The following CLNK variants were observed in gnomAD, a reference collection of about 807,000 sequenced individuals.
CLNK encodes the protein cytokine dependent hematopoietic cell linker.
In CLNK, 74 loss-of-function variants were observed where a neutral mutation model predicts 68.6. The observed-to-expected ratio is 1.08, with a 90% confidence interval of 0.89 to 1.31. The LOEUF is 1.31. CLNK is among the 50% of genes most tolerant of loss of function. The pLI is 0.00. For synonymous variants in CLNK, 198 were observed against 172.2 expected, an observed-to-expected ratio of 1.15 and a Z score of -1.17; for missense variants, 553 against 515.3, an observed-to-expected ratio of 1.07 and a Z score of -0.71.
At chr4:10,699,291 TACAC>T in the CLNK span, among the ~76,000 whole-genome samples, 1 of 57,936 alleles carries the variant, frequency 1.7e-5, no homozygotes, top group Non-Finnish European at 3.2e-5. Flanking sequence ...CATACGTGTA[TACAC>T]ACACACACCA....
intron 2 of CLNK, among the ~76,000 whole-genome samples, chr4:10,622,914 G>A (rs565448839): frequency 8.5e-5 from 13 of 152,136 alleles, no homozygotes; most frequent in Admixed American, 3.9e-4. Context: ...AGGGAGCTCT[G>A]GCCCCTTCAT....
At chr4:10,596,519 G>C (rs968735943) in intron 3 of CLNK, among the ~76,000 whole-genome samples, 2 of 152,102 alleles carry the variant, frequency 1.3e-5, no homozygotes, top group Non-Finnish European at 2.9e-5. Context: ...ATTTTTACAG[G>C]AGTAAATACA....
chr4:10,706,861 C>T, the CLNK span, among the ~76,000 whole-genome samples: 6 of 152,232 alleles, frequency 3.9e-5, no homozygotes, highest in African/African-American at 1.4e-4. Context: ...CAAAAGGACC[C>T]CCAGAAACTT....
At chr4:10,584,018 C>T (rs1484453644) in intron 4 of CLNK, among the ~76,000 whole-genome samples, 4 of 152,154 alleles carry the variant, frequency 2.6e-5, no homozygotes, top group Non-Finnish European at 5.9e-5. Flanking sequence ...GCATTTGATA[C>T]TAAAGACCCC....
intron 8 of CLNK, among the ~76,000 whole-genome samples, chr4:10,546,833 G>A (rs1719252200): frequency 6.6e-6 from 1 of 152,090 alleles, no homozygotes; most frequent in Admixed American, 6.6e-5. Flanking sequence ...TTTCAGTTGT[G>A]GAGGCTAAGA....
intron 2 of CLNK, among the ~76,000 whole-genome samples, chr4:10,644,830 C>T (rs375357494): frequency 1.3e-5 from 2 of 152,176 alleles, no homozygotes; most frequent in South Asian, 4.1e-4. Flanking sequence ...AATTCCTGCC[C>T]TGCACTCTGA....
At chr4:10,614,915 T>C (rs12511463) in intron 2 of CLNK, among the ~76,000 whole-genome samples, 109,993 of 152,036 alleles carry the variant, frequency 0.72, 40,109 homozygotes, top group East Asian at 0.77. Flanking sequence ...CTGGGTGCGG[T>C]GGCTCACACC....
Position 10,510,613 on chromosome 4 carries a change from G to A in CLNK, c.907-2577C>T, listed in dbSNP as rs564487922. 1.2e-3 allele frequency among the ~76,000 whole-genome samples: 179 copies of A among 152,232 alleles called. 1 individual carries two copies. The highest frequency in any genetic ancestry group is 4.2e-3 in the African/African-American group (174 of 41,544). On this transcript the variant is annotated intron_variant, in intron 16 of 18. Transcript: ENST00000226951. ...GTCAGACACGCCTCATAGCTCTTCG[G>A]CACTAACATCTATCCAGACCTTAAG...
intron 11 of CLNK, among the ~76,000 whole-genome samples, chr4:10,538,371 C>T (rs563124580): frequency 8.5e-5 from 13 of 152,328 alleles, no homozygotes; most frequent in South Asian, 4.2e-4. Flanking sequence ...ACATGTGAGC[C>T]GCCTGCCTCG....
At chr4:10,499,650 T>C (rs1217900492) in intron 18 of CLNK, among the ~76,000 whole-genome samples, 1 of 152,172 alleles carries the variant, frequency 6.6e-6, no homozygotes, top group Non-Finnish European at 1.5e-5. Context: ...CCTGTATTAG[T>C]TTGTCAAGGC....
chr4:10,674,358 G>A (rs1046530909), intron 1 of CLNK, among the ~76,000 whole-genome samples: 3 of 152,144 alleles, frequency 2.0e-5, no homozygotes, highest in African/African-American at 4.8e-5. Flanking sequence ...AGTGCTAGAC[G>A]CCAATGCAAA....
the CLNK span, among the ~76,000 whole-genome samples, chr4:10,699,625 G>A: frequency 1.4e-5 from 2 of 147,814 alleles, no homozygotes; most frequent in African/African-American, 5.0e-5. Context: ...CAATTGTCCT[G>A]CCTCAGCCTC....
chr4:10,693,660 C>CCAG, the CLNK span, among the ~76,000 whole-genome samples: 2 of 152,204 alleles, frequency 1.3e-5, no homozygotes, highest in Non-Finnish European at 2.9e-5. Flanking sequence ...GGCACTTGTT[C>CCAG]CAGCAGCCCT....
intron 2 of CLNK, among the ~76,000 whole-genome samples, chr4:10,635,540 G>A (rs758002935): frequency 2.6e-5 from 4 of 152,100 alleles, no homozygotes; most frequent in Non-Finnish European, 5.9e-5. Flanking sequence ...TGTGGAAAGC[G>A]ACTGTCTGAA....
chr4:10,715,343 AC>A, the CLNK span, among the ~76,000 whole-genome samples: 1 of 152,016 alleles, frequency 6.6e-6, no homozygotes, highest in Non-Finnish European at 1.5e-5. Flanking sequence ...TGTAGCTTCC[AC>A]CCCGCCCCAT....
At chr4:10,670,409 G>A (rs568135704) in intron 1 of CLNK, among the ~76,000 whole-genome samples, 15 of 152,324 alleles carry the variant, frequency 9.8e-5, no homozygotes, top group Admixed American at 2.6e-4. Flanking sequence ...AAGTAGCATC[G>A]AAATGGGACA....
the CLNK span, among the ~76,000 whole-genome samples, chr4:10,705,236 G>T: frequency 3.3e-5 from 5 of 152,188 alleles, no homozygotes; most frequent in Admixed American, 1.3e-4. Flanking sequence ...TGGAGAGAAA[G>T]AGGGAACAAA....
At chr4:10,589,489 T>G (rs564862958) in intron 3 of CLNK, among the ~76,000 whole-genome samples, 1 of 152,074 alleles carries the variant, frequency 6.6e-6, no homozygotes, top group Non-Finnish European at 1.5e-5. Context: ...ACCCTGGGGC[T>G]CTCCGTGCGT....
At chr4:10,630,403 C>T (rs1358556025) in intron 2 of CLNK, among the ~76,000 whole-genome samples, 1 of 152,210 alleles carries the variant, frequency 6.6e-6, no homozygotes, top group Admixed American at 6.5e-5. Flanking sequence ...CTCTCACAGG[C>T]AAAGCTGGGA....
Sources: allele counts gnomAD v4.1 joint callset (sites outside exome capture counted in the v4.1 genomes callset), GRCh38; gene constraint gnomAD v4.1.1; transcripts MANE v1.5; gene names NCBI Gene and HGNC (gene_info 2026-07-23, HGNC 2026-07-21).